DNAH17: variants seen among roughly 807,000 people sequenced by gnomAD.
The protein encoded by DNAH17 is dynein axonemal heavy chain 17.
DNAH17 carries 376 observed loss-of-function variants against 485.6 expected under a neutral mutation model. The ratio of observed to expected loss-of-function variants is 0.77; its 90% CI spans 0.71 to 0.84. The LOEUF is 0.84. Ranked by LOEUF, DNAH17 falls within the 40% of genes least tolerant of loss-of-function variation. The probability of loss-of-function intolerance (pLI) is 0.00; values close to 1 mark genes in which losing one functional copy is unlikely to be tolerated. For synonymous variants in DNAH17, 3,031 were observed against 2,405.9 expected (o/e 1.26, Z -7.60); for missense variants, 6,370 against 5,839.3 (o/e 1.09, Z -2.96).
chr17:78,551,006 G>A (rs1170913961), intron 16 of DNAH17, among the ~76,000 whole-genome samples: 1 of 152,164 alleles, frequency 6.6e-6, no homozygotes, highest in African/African-American at 2.4e-5. Context: ...ATCATTTGAG[G>A]TCAGGAGTTC....
intron 16 of DNAH17, 50 bp downstream of exon 16, chr17:78,551,485 C>A (rs1314970477): frequency 6.4e-7 from 1 of 1,568,116 alleles, no homozygotes; most frequent in Non-Finnish European, 8.8e-7. Context: ...TGCCCCAGGG[C>A]AGCCCCAGGC....
At chr17:78,561,360 G>A (rs1206273943) in intron 12 of DNAH17, among the ~76,000 whole-genome samples, 12 of 151,918 alleles carry the variant, frequency 7.9e-5, no homozygotes, top group Admixed American at 2.0e-4. Context: ...CCGTCCCTGC[G>A]TCCACCGTGA....
chr17:78,542,123 C>CCA (rs1915219258), intron 17 of DNAH17, among the ~76,000 whole-genome samples: 1 of 150,234 alleles, frequency 6.7e-6, no homozygotes, highest in African/African-American at 2.5e-5. Context: ...AACCGCCCCC[C>CCA]CCAAAAACTG....
intron 51 of DNAH17, among the ~76,000 whole-genome samples, chr17:78,478,088 TCAC>T (rs1191521114): frequency 5.7e-5 from 3 of 52,666 alleles, no homozygotes; most frequent in African/African-American, 4.3e-4. Context: ...ATCATCACCA[TCAC>T]CACCACCATC....
intron 54 of DNAH17, among the ~76,000 whole-genome samples, chr17:78,469,309 T>C (rs981370680): frequency 1.9e-4 from 29 of 152,156 alleles, no homozygotes; most frequent in Non-Finnish European, 3.5e-4. Context: ...GCCTGGCTAA[T>C]TTTTTGTATT....
intron 75 of DNAH17, among the ~76,000 whole-genome samples, chr17:78,429,673 T>A (rs2086606601): frequency 6.6e-6 from 1 of 152,190 alleles, no homozygotes; most frequent in Non-Finnish European, 1.5e-5. Flanking sequence ...ACTCGCTCCC[T>A]CTGCCTCTCC....
At chr17:78,465,618 C>T (rs1241269424) in intron 56 of DNAH17, among the ~76,000 whole-genome samples, 3 of 151,228 alleles carry the variant, frequency 2.0e-5, no homozygotes, top group Admixed American at 6.6e-5. Context: ...TCTGCCCGGC[C>T]GAGACCCCGT....
intron 43 of DNAH17, 32 bp downstream of exon 43, chr17:78,491,411 G>C (rs1210816336): frequency 1.2e-6 from 2 of 1,607,176 alleles, no homozygotes; most frequent in Non-Finnish European, 1.7e-6. Context: ...GCCTTGGGTG[G>C]CCTTGGGGCT....
chr17:78,517,033 T>C (rs1598626956), intron 25 of DNAH17, among the ~76,000 whole-genome samples: 1 of 152,144 alleles, frequency 6.6e-6, no homozygotes, highest in African/African-American at 2.4e-5. Context: ...GGAGGAAGAT[T>C]TGACAAATGA....
chr17:78,543,145 C>CA (rs1193129766), intron 17 of DNAH17, among the ~76,000 whole-genome samples: 1 of 152,080 alleles, frequency 6.6e-6, no homozygotes, highest in Admixed American at 6.6e-5. Flanking sequence ...GAGATAGTCT[C>CA]ACTCTTTCAC....
Position 78,566,695 on chromosome 17 carries a change from T to C in DNAH17, c.1488A>G (p.Lys496=), listed in dbSNP as rs748894282. The C allele has an allele frequency of 2.5e-6, 4 of 1,609,296 alleles. No homozygotes were observed. The African/African-American group carries it at 4.0e-5, about 16-fold the overall frequency. The change falls in exon 11 of 81, where the codon AAA becomes AAG. Residue 496 remains lysine, a synonymous_variant. Coordinates refer to ENST00000389840, the MANE Select transcript of DNAH17 (RefSeq NM_173628.4). ...FDRDYADFEI[K]IQDLDRRLAT... ...CCAGCCTCCTATCCAGGTCTTGGAT[T>C]TTGATCTCAAAATCAGCATAATCAC...
intron 74 of DNAH17, 112 bp from the exon 75 acceptor site, chr17:78,434,332 G>T: frequency 9.8e-7 from 1 of 1,021,758 alleles, no homozygotes; most frequent in Non-Finnish European, 1.4e-6. Flanking sequence ...TAGGGTGGGG[G>T]CGGTGGGGGG....
chr17:78,450,307 A>G lies in DNAH17; in HGVS notation c.10987T>C (p.Phe3663Leu), dbSNP rs2087491356. The change falls in exon 68 of 81, where the codon TTC (phenylalanine) becomes CTC (leucine). Residue 3663 changes from phenylalanine (F) to leucine (L), a missense_variant. By Grantham distance (22) the Phe-to-Leu change is conservative. Coordinates refer to ENST00000389840, the MANE Select transcript of DNAH17 (RefSeq NM_173628.4). Reference protein sequence around the residue: ...PAAERASLLYFILNDLNKINP... With the variant: ...PAAERASLLYLILNDLNKINP... The stretch of plus-strand genomic sequence containing the variant: ...ATTTTGTTGAGATCGTTCAGTATGA[A>G]GTAGAGCAGAGATGCCCTCTCCGCA... 1 of 1,614,004 alleles carries G rather than the reference A, an allele frequency of 6.2e-7. No homozygotes were observed. The highest frequency in any genetic ancestry group is 8.5e-7 in the Non-Finnish European group (1 of 1,179,884).
chr17:78,512,940 C>CAAAAAAAAAAAAAAAA (rs57734613), intron 26 of DNAH17, among the ~76,000 whole-genome samples: 1 of 83,304 alleles, frequency 1.2e-5, no homozygotes, highest in Non-Finnish European at 2.2e-5. Flanking sequence ...GACTCTAACT[C>CAAAAAAAAAAAAAAAA]AAAAAAAAAA....
At chr17:78,561,367 G>A (rs957536975) in intron 12 of DNAH17, among the ~76,000 whole-genome samples, 18 of 151,992 alleles carry the variant, frequency 1.2e-4, no homozygotes, top group African/African-American at 4.8e-5. Flanking sequence ...TGCGTCCACC[G>A]TGAAGCCTCC....
intron 13 of DNAH17, among the ~76,000 whole-genome samples, chr17:78,559,731 C>T (rs924372450): frequency 2.0e-5 from 3 of 152,218 alleles, no homozygotes; most frequent in Non-Finnish European, 4.4e-5. Context: ...CTTGCTCAAA[C>T]CAAACTCCAA....
intron 38 of DNAH17, 85 bp downstream of exon 38, chr17:78,495,790 C>G: frequency 6.7e-7 from 1 of 1,489,678 alleles, no homozygotes; most frequent in Non-Finnish European, 9.0e-7. Context: ...CTCTGCCCCT[C>G]CCCTCTGCCC....
chr17:78,541,393 A>ATGGG (rs1353782187), intron 17 of DNAH17, among the ~76,000 whole-genome samples: 4 of 147,340 alleles, frequency 2.7e-5, no homozygotes, highest in African/African-American at 7.6e-5. Context: ...GGATGGATGG[A>ATGGG]TGGATGGGTG....
intron 48 of DNAH17, among the ~76,000 whole-genome samples, chr17:78,481,590 G>A (rs747931051): frequency 2.6e-5 from 4 of 152,180 alleles, no homozygotes; most frequent in Admixed American, 1.3e-4. Flanking sequence ...CCTGTGCAAT[G>A]GGTCATGAGG....
Sources: gnomAD v4.1 joint callset for allele counts (sites outside exome capture counted in the v4.1 genomes callset) on GRCh38, gnomAD v4.1.1 for gene constraint, MANE v1.5 for transcripts, NCBI Gene and HGNC (gene_info 2026-07-23, HGNC 2026-07-21) for gene names.